Variants in ADAMTS19 observed in about 807,000 individuals in gnomAD.
The protein encoded by ADAMTS19 is ADAM metallopeptidase with thrombospondin type 1 motif 19.
Under a neutral mutation model 153.3 loss-of-function variants are expected in ADAMTS19, and 93 were observed. The observed-to-expected ratio is 0.61, with a 90% CI of 0.51 to 0.72. ADAMTS19 has a LOEUF of 0.72. Ranked by LOEUF, ADAMTS19 falls within the 30% of genes least tolerant of loss-of-function variation. The pLI is 0.00. For synonymous variants in ADAMTS19, 600 were observed against 556.6 expected, an observed-to-expected ratio of 1.08 and a Z score of -1.10; for missense variants, 1,482 against 1,552.1, an observed-to-expected ratio of 0.95 and a Z score of 0.76.
intron 7 of ADAMTS19, among the ~76,000 whole-genome samples, chr5:129,553,892 CT>C: frequency 6.6e-6 from 1 of 152,204 alleles, no homozygotes; most frequent in East Asian, 1.9e-4. Flanking sequence ...TACAGTCAGC[CT>C]TCTGTATTAT....
intron 7 of ADAMTS19, among the ~76,000 whole-genome samples, chr5:129,594,047 T>C (rs1330051412): frequency 6.6e-6 from 1 of 152,168 alleles, no homozygotes; most frequent in Non-Finnish European, 1.5e-5. Context: ...TATGAATACC[T>C]TCAGCAAACA....
chr5:129,658,315 AAG>A (rs1194308851), intron 14 of ADAMTS19, among the ~76,000 whole-genome samples: 27 of 39,206 alleles, frequency 6.9e-4, no homozygotes, highest in African/African-American at 1.8e-3. Context: ...AAGAAAAAGA[AAG>A]AAAGAAAGAA....
At chr5:129,613,220 C>CA (rs1304959595) in intron 8 of ADAMTS19, among the ~76,000 whole-genome samples, 1 of 151,914 alleles carries the variant, frequency 6.6e-6, no homozygotes, top group Non-Finnish European at 1.5e-5. Flanking sequence ...CACCCCAAAT[C>CA]ACAGAATATA....
intron 21 of ADAMTS19, among the ~76,000 whole-genome samples, chr5:129,719,449 T>C (rs573475200): frequency 6.6e-6 from 1 of 152,332 alleles, no homozygotes; most frequent in South Asian, 2.1e-4. Flanking sequence ...ATGACTTTTC[T>C]GAAGTCCTGA....
intron 10 of ADAMTS19, among the ~76,000 whole-genome samples, chr5:129,623,392 T>C (rs1341504457): frequency 2.0e-5 from 3 of 152,098 alleles, no homozygotes; most frequent in Non-Finnish European, 2.9e-5. Context: ...ACATACACAT[T>C]GTACTTCAGG....
At chr5:129,731,787 A>T (rs1217552398) in intron 21 of ADAMTS19, among the ~76,000 whole-genome samples, 2 of 152,156 alleles carry the variant, frequency 1.3e-5, no homozygotes, top group Non-Finnish European at 2.9e-5. Context: ...TACTTAAAAG[A>T]TGACAATCAG....
At chr5:129,508,974 G>A in intron 2 of ADAMTS19, 103 bp from the exon 3 acceptor site, 1 of 927,760 alleles carries the variant, frequency 1.1e-6, no homozygotes, top group Non-Finnish European at 1.6e-6. Flanking sequence ...CTAGAAGACT[G>A]TATGCATGTT....
At chr5:129,577,791 T>A (rs1022314702) in intron 7 of ADAMTS19, among the ~76,000 whole-genome samples, 2 of 152,094 alleles carry the variant, frequency 1.3e-5, no homozygotes, top group African/African-American at 4.8e-5. Flanking sequence ...TTTGTTATAT[T>A]GCCTTGATAT....
intron 21 of ADAMTS19, among the ~76,000 whole-genome samples, chr5:129,714,216 G>A (rs1478677334): frequency 1.3e-5 from 2 of 150,748 alleles, no homozygotes; most frequent in African/African-American, 4.9e-5. Flanking sequence ...TCAGGAGATC[G>A]AGACCATCCT....
At chr5:129,612,243 C>T (rs368363342) in intron 8 of ADAMTS19, among the ~76,000 whole-genome samples, 22 of 150,434 alleles carry the variant, frequency 1.5e-4, no homozygotes, top group East Asian at 6.0e-4. Flanking sequence ...TTTGTCCTTG[C>T]GATAGTTTGC....
chr5:129,650,732 ATTT>A (rs1467218412), intron 13 of ADAMTS19, among the ~76,000 whole-genome samples: 1 of 151,824 alleles, frequency 6.6e-6, no homozygotes, highest in Non-Finnish European at 1.5e-5. Flanking sequence ...TTCACATTTA[ATTT>A]TTTAACATAT....
intron 2 of ADAMTS19, among the ~76,000 whole-genome samples, chr5:129,489,636 G>C (rs1561536330): frequency 6.6e-6 from 1 of 151,994 alleles, no homozygotes; most frequent in Non-Finnish European, 1.5e-5. Context: ...AAGTTTGAGG[G>C]GGAAAAAGAC....
chr5:129,527,358 T>A (rs1379051048), intron 4 of ADAMTS19, among the ~76,000 whole-genome samples: 2 of 151,440 alleles, frequency 1.3e-5, no homozygotes, highest in African/African-American at 4.8e-5. Context: ...CATTTGGCTG[T>A]TTTCCTGGGG....
At chr5:129,660,790 C>G (rs1234332150) in intron 15 of ADAMTS19, among the ~76,000 whole-genome samples, 1 of 152,120 alleles carries the variant, frequency 6.6e-6, no homozygotes, top group Non-Finnish European at 1.5e-5. Flanking sequence ...CCACTTTCTT[C>G]CTTACAACTC....
At chr5:129,471,623 G>A (rs1750072673) in intron 2 of ADAMTS19, among the ~76,000 whole-genome samples, 1 of 151,994 alleles carries the variant, frequency 6.6e-6, no homozygotes, top group South Asian at 2.1e-4. Context: ...GTGTGATGGG[G>A]ATTTGTTTTA....
intron 21 of ADAMTS19, among the ~76,000 whole-genome samples, chr5:129,710,333 T>C (rs973650380): frequency 5.3e-5 from 8 of 152,220 alleles, no homozygotes; most frequent in African/African-American, 1.9e-4. Context: ...TAGTATTCCA[T>C]GGTGTATATG....
rs751367305 is a variant in ADAMTS19 at position 129,641,916 on chromosome 5, A to G, written c.1828A>G (p.Lys610Glu). Reference sequence around the variant, plus strand: ...AGAAGGTGAGAAAGAATGCAGAACCAAGCTAGACCCACCAATGGATGGAAC... The same window carrying G: ...AGAAGGTGAGAAAGAATGCAGAACCGAGCTAGACCCACCAATGGATGGAAC... ...KVEGEKECRT[K>E]LDPPMDGTDC... Residue 610 changes from lysine (K) to glutamate (E), a missense_variant, in exon 11 of 23, where the codon AAG (lysine) becomes GAG (glutamate). Physicochemically the swap from Lys to Glu is moderately conservative, Grantham distance 56 (BLOSUM62 1). Transcript: ENST00000274487. The G allele has an allele frequency of 6.2e-7, 1 of 1,605,270 alleles. No homozygotes were observed. Among genetic ancestry groups the G allele is most frequent in the East Asian group, 2.2e-5 (1 of 44,652 alleles).
chr5:129,631,233 C>A (rs1752277901), intron 10 of ADAMTS19, among the ~76,000 whole-genome samples: 1 of 147,682 alleles, frequency 6.8e-6, no homozygotes, highest in African/African-American at 2.5e-5. Flanking sequence ...CTCCTAGATC[C>A]AAAAATATAC....
intron 21 of ADAMTS19, among the ~76,000 whole-genome samples, chr5:129,705,014 T>G (rs1581245346): frequency 6.6e-6 from 1 of 152,206 alleles, no homozygotes; most frequent in East Asian, 1.9e-4. Flanking sequence ...GACCTGTTCA[T>G]TCTATGAAAT....
Sources: allele counts gnomAD v4.1 joint callset (sites outside exome capture counted in the v4.1 genomes callset), GRCh38; gene constraint gnomAD v4.1.1; transcripts MANE v1.5; gene names NCBI Gene and HGNC (gene_info 2026-07-23, HGNC 2026-07-21).